The following DNAH17 variants were observed in gnomAD, a reference collection of about 807,000 sequenced individuals.
DNAH17 encodes the protein axonemal beta dynein heavy chain 17.
In DNAH17, 376 loss-of-function variants were observed where a neutral mutation model predicts 485.6. That is an observed-to-expected ratio of 0.77 (90% CI 0.71 to 0.84). The LOEUF (loss-of-function observed/expected upper bound fraction) is 0.84, where lower values mean the gene tolerates loss of function less well. Among genes scored for constraint, DNAH17 ranks in the 40% least tolerant of loss-of-function variants. The pLI, the probability that DNAH17 is intolerant of heterozygous loss-of-function variation, is 0.00. For synonymous variants in DNAH17, 3,031 were observed against 2,405.9 expected, an observed-to-expected ratio of 1.26 and a Z score of -7.60; for missense variants, 6,370 against 5,839.3, an observed-to-expected ratio of 1.09 and a Z score of -2.96.
intron 20 of DNAH17, among the ~76,000 whole-genome samples, chr17:78,531,739 G>A (rs180812117): frequency 3.4e-4 from 52 of 152,290 alleles, no homozygotes; most frequent in South Asian, 1.0e-3. Context: ...CATTCAATCT[G>A]TCTTTACAGG....
At position 78,574,962 on chromosome 17, in the gene DNAH17, G is replaced by A. The variant is rs61744326; in HGVS notation, c.96C>T (p.Gly32=). The A allele has an allele frequency of 0.014, 23,147 of 1,613,972 alleles. 297 individuals carry two copies. The highest frequency in any genetic ancestry group is 0.041 in the South Asian group (3,779 of 91,078). Residue 32 remains glycine, a synonymous_variant, in exon 2 of 81, where the codon GGC becomes GGT. Coordinates refer to ENST00000389840, the MANE Select transcript of DNAH17 (RefSeq NM_173628.4). Reference sequence around the variant, plus strand: ...TGAACAGGGCCACGTTCTCCTCGGCGCCTATCAGCTTGCTCCACTTGTCCG... The same window carrying A: ...TGAACAGGGCCACGTTCTCCTCGGCACCTATCAGCTTGCTCCACTTGTCCG... The part of the protein sequence containing the change: ...FKPDKWSKLI[G]AEENVALFTE...
chr17:78,571,101 G>A (rs918116401), intron 5 of DNAH17, 68 bp from the exon 6 acceptor site: 21 of 1,431,706 alleles, frequency 1.5e-5, no homozygotes, highest in East Asian at 2.5e-5. Context: ...ATGAGGGTGC[G>A]GCTCCATGTG....
chr17:78,478,680 T>C (rs1176404817), intron 51 of DNAH17, among the ~76,000 whole-genome samples: 1 of 144,992 alleles, frequency 6.9e-6, no homozygotes, highest in Non-Finnish European at 1.5e-5. Context: ...ACTACCACCA[T>C]CATCACAATT....
chr17:78,563,312 C>T (rs1185991615), intron 11 of DNAH17, among the ~76,000 whole-genome samples: 2 of 152,100 alleles, frequency 1.3e-5, no homozygotes, highest in Non-Finnish European at 2.9e-5. Flanking sequence ...CGCTGGTGTC[C>T]TGCCAGCTAC....
intron 3 of DNAH17, 135 bp from the exon 4 acceptor site, chr17:78,571,917 C>T (rs935657141): frequency 2.6e-6 from 2 of 775,756 alleles, no homozygotes; most frequent in Non-Finnish European, 4.0e-6. Context: ...GTCCCTGGTG[C>T]CTCCAGCCAC....
rs1187780801 is a variant in DNAH17 at position 78,447,553 on chromosome 17, TAG to T, written c.11211+1859_11211+1860del. On this transcript the variant is annotated intron_variant, in intron 69 of 80. Transcript: ENST00000389840. ...CAAACGGTCTGTTTTTCAGATCCCATAGAGAGTTTCTTCCTGAGCTGGACTCT... is the reference window on the plus strand; with the variant it reads ...CAAACGGTCTGTTTTTCAGATCCCATAGAGTTTCTTCCTGAGCTGGACTCT... Among the ~76,000 whole-genome samples, 6 of 152,202 alleles carry T rather than the reference TAG, an allele frequency of 3.9e-5. No homozygotes were observed. The South Asian group carries it at 6.2e-4, about 16-fold the overall frequency.
chr17:78,545,759 GC>G (rs1186161523), intron 16 of DNAH17, among the ~76,000 whole-genome samples: 1 of 151,946 alleles, frequency 6.6e-6, no homozygotes, highest in Non-Finnish European at 1.5e-5. Context: ...TCTTCTAATA[GC>G]TTTTGCTTTT....
At chr17:78,463,936 G>GT (rs1233966632) in intron 56 of DNAH17, among the ~76,000 whole-genome samples, 1 of 152,206 alleles carries the variant, frequency 6.6e-6, no homozygotes, top group Non-Finnish European at 1.5e-5. Context: ...TTGGGAACTA[G>GT]AAACCCAAAT....
chr17:78,428,837 C>T (rs2086572890), intron 76 of DNAH17, 130 bp from the exon 77 acceptor site: 6 of 1,211,210 alleles, frequency 5.0e-6, no homozygotes, highest in Middle Eastern at 2.5e-4. Context: ...ACTTGTTTCC[C>T]AGCCCCCTTT....
At chr17:78,525,444 T>C (rs642612) in intron 24 of DNAH17, among the ~76,000 whole-genome samples, 79,643 of 152,196 alleles carry the variant, frequency 0.52, 21,349 homozygotes, top group African/African-American at 0.63. Context: ...CCTGAGAGTT[T>C]CTGATTTCCC....
At chr17:78,499,553 G>A (rs1301384118) in intron 36 of DNAH17, 1 of 152,760 alleles carries the variant, frequency 6.5e-6, no homozygotes, top group Non-Finnish European at 1.5e-5. Context: ...CCAATCAGAA[G>A]GACTCGTCCC....
chr17:78,434,410 AG>A (rs2086793536), intron 74 of DNAH17, among the ~76,000 whole-genome samples, 190 bp from the exon 75 acceptor site: 1 of 152,208 alleles, frequency 6.6e-6, no homozygotes, highest in Non-Finnish European at 1.5e-5. Flanking sequence ...GTCATGGCTG[AG>A]TACGATCTTC....
rs755536158 is a variant in DNAH17 at position 78,444,635 on chromosome 17, G to A, written c.11497C>T (p.Leu3833=). ...ALQKLCMVRC[L]RPDRMTYAIK... ...GCGTAGGTCATGCGATCTGGCCGCA[G>A]GCAGCGCACCATGCACAGCTTCTGC... The change falls in exon 71 of 81, where the codon CTG becomes TTG. Residue 3833 remains leucine, a synonymous_variant. Coordinates refer to ENST00000389840, the MANE Select transcript of DNAH17 (RefSeq NM_173628.4). The A allele has an allele frequency of 2.5e-6, 4 of 1,593,672 alleles. No individual in the cohort carries two copies. Among genetic ancestry groups the A allele is most frequent in the East Asian group, 2.3e-5 (1 of 44,104 alleles).
chr17:78,431,490 C>A (rs2086672732), intron 75 of DNAH17, among the ~76,000 whole-genome samples: 1 of 151,348 alleles, frequency 6.6e-6, no homozygotes, highest in East Asian at 1.9e-4. Context: ...AGCTCTCAGG[C>A]CCCTCCCTGG....
chr17:78,570,026 T>TC (rs1283627350), intron 7 of DNAH17, among the ~76,000 whole-genome samples: 1 of 152,142 alleles, frequency 6.6e-6, no homozygotes, highest in Non-Finnish European at 1.5e-5. Flanking sequence ...TCCTCCTCTG[T>TC]CCCCGTCTTC....
intron 57 of DNAH17, among the ~76,000 whole-genome samples, chr17:78,462,178 CAAGT>C (rs2088163269): frequency 6.8e-6 from 1 of 147,984 alleles, no homozygotes; most frequent in Non-Finnish European, 1.5e-5. Flanking sequence ...TCTCAAATGC[CAAGT>C]GAGTTGCAGT....
chr17:78,497,865 G>C (rs909467487), intron 37 of DNAH17, among the ~76,000 whole-genome samples: 2 of 152,168 alleles, frequency 1.3e-5, no homozygotes, highest in Non-Finnish European at 2.9e-5. Context: ...GCTCTCAGCC[G>C]GGCACAACGG....
At chr17:78,426,752 A>C in intron 78 of DNAH17, 152 bp from the exon 79 acceptor site, 1 of 1,301,958 alleles carries the variant, frequency 7.7e-7, no homozygotes, top group Non-Finnish European at 1.1e-6. Context: ...GCTTCCTGCT[A>C]AGGAACGGTC....
At chr17:78,433,951 A>C (rs531372052) in intron 75 of DNAH17, 78 bp downstream of exon 75, 3 of 1,009,392 alleles carry the variant, frequency 3.0e-6, no homozygotes, top group Non-Finnish European at 4.1e-6. Context: ...GAGGGAGGGA[A>C]GGAGGGAGGG....
Sources: gnomAD v4.1 joint callset for allele counts (sites outside exome capture counted in the v4.1 genomes callset) on GRCh38, gnomAD v4.1.1 for gene constraint, MANE v1.5 for transcripts, NCBI Gene and HGNC (gene_info 2026-07-23, HGNC 2026-07-21) for gene names.